Variants in TMEM74 observed in about 807,000 individuals in gnomAD.
TMEM74 encodes transmembrane protein 74.
Under a neutral mutation model 18.1 loss-of-function variants are expected in TMEM74, and 13 were observed. That is an observed-to-expected ratio of 0.72 (90% CI 0.47 to 1.14). The LOEUF (loss-of-function observed/expected upper bound fraction) is 1.14, where lower values mean the gene tolerates loss of function less well. Ranked by LOEUF, TMEM74 falls within the 50% of genes most tolerant of loss-of-function variation. TMEM74 has a pLI of 0.00. For missense variants in TMEM74, 372 were observed against 375.9 expected, an observed-to-expected ratio of 0.99 and a Z score of 0.09; for synonymous variants, 159 against 146.6, an observed-to-expected ratio of 1.08 and a Z score of -0.61.
intron 1 of TMEM74, among the ~76,000 whole-genome samples, chr8:108,697,287 C>A (rs1176988419): frequency 1.3e-5 from 2 of 152,142 alleles, no homozygotes; most frequent in Admixed American, 6.5e-5. Context: ...ACAGATGACT[C>A]CTCCATAACA....
intron 2 of TMEM74, among the ~76,000 whole-genome samples, chr8:108,647,928 C>A (rs1812736261): frequency 2.0e-5 from 3 of 151,994 alleles, no homozygotes; most frequent in Non-Finnish European, 1.5e-5. Context: ...CATATCTAAG[C>A]TATAATAAGA....
At chr8:108,654,537 C>T (rs1007886651) in intron 2 of TMEM74, among the ~76,000 whole-genome samples, 13 of 152,060 alleles carry the variant, frequency 8.5e-5, no homozygotes, top group Admixed American at 8.5e-4. Flanking sequence ...TCCACCCTGA[C>T]CCATGTCTAG....
chr8:108,648,642 A>G (rs1440435358), intron 2 of TMEM74, among the ~76,000 whole-genome samples: 3 of 152,118 alleles, frequency 2.0e-5, no homozygotes, highest in Admixed American at 1.3e-4. Context: ...GGTAGCTGTC[A>G]TAGAGAGATT....
chr8:108,712,566 G>C (rs896848857), intron 1 of TMEM74, among the ~76,000 whole-genome samples: 2 of 152,070 alleles, frequency 1.3e-5, no homozygotes, highest in Non-Finnish European at 2.9e-5. Flanking sequence ...CGCATATCAG[G>C]CTGCTCCCTG....
chr8:108,629,417 A>G (rs891025445), intron 2 of TMEM74, among the ~76,000 whole-genome samples: 1 of 152,226 alleles, frequency 6.6e-6, no homozygotes, highest in East Asian at 1.9e-4. Context: ...ACTTCAGGAT[A>G]TTATCCAGGA....
At chr8:108,718,459 T>G (rs7007267) in intron 1 of TMEM74, among the ~76,000 whole-genome samples, 52,866 of 152,044 alleles carry the variant, frequency 0.35, 9,981 homozygotes, top group East Asian at 0.5. Context: ...CCTGCAAACC[T>G]CTGTTCACAA....
downstream of TMEM74, among the ~76,000 whole-genome samples, chr8:108,777,164 AGAG>A (rs1814243330): frequency 6.6e-6 from 1 of 152,260 alleles, no homozygotes; most frequent in South Asian, 2.1e-4. Flanking sequence ...TTACAAGAGT[AGAG>A]GAGCAGGCAT....
intron 2 of TMEM74, among the ~76,000 whole-genome samples, chr8:108,623,331 C>G (rs566949069): frequency 6.6e-6 from 1 of 152,136 alleles, no homozygotes; most frequent in South Asian, 2.1e-4. Flanking sequence ...CAAACAAACC[C>G]TTTTCCAAGT....
In TMEM74 at chr8:108,784,621, C is replaced by T. The variant is rs1814353869; in HGVS notation, c.478G>A (p.Glu160Lys). The change falls in exon 2 of 2, where the codon GAG (glutamate) becomes AAG (lysine). Residue 160 changes from glutamate to lysine, a missense_variant. Physicochemically the swap from Glu to Lys is moderately conservative, Grantham distance 56. Transcript: ENST00000297459. ...GTGGCTTCTGAACTTGTATCATCCT[C>T]CTCTTCAGATATCAAAGATATGGCA... ...EAAISLISEEEDDTSSEATSS... is the reference protein window; with the variant it reads ...EAAISLISEEKDDTSSEATSS... The T allele has an allele frequency of 6.2e-7, 1 of 1,614,022 alleles. No individual in the cohort carries two copies. Among genetic ancestry groups the T allele is most frequent in the Non-Finnish European group, 8.5e-7 (1 of 1,180,030 alleles).
intron 1 of TMEM74, among the ~76,000 whole-genome samples, chr8:108,715,314 C>T (rs1813512723): frequency 6.6e-6 from 1 of 151,886 alleles, no homozygotes; most frequent in Non-Finnish European, 1.5e-5. Flanking sequence ...CTGCTAGGTA[C>T]GATGACTCAC....
At chr8:108,663,817 G>A (rs1415287239) in intron 1 of TMEM74, among the ~76,000 whole-genome samples, 1 of 152,182 alleles carries the variant, frequency 6.6e-6, no homozygotes, top group Non-Finnish European at 1.5e-5. Flanking sequence ...CAGGGAGATG[G>A]ATGCAGTTGG....
At position 108,779,371 on chromosome 8, in the gene TMEM74, T is replaced by C. The variant is rs116052743; in HGVS notation, c.*4810A>G. 0.013 allele frequency among the ~76,000 whole-genome samples: 1,915 copies of C among 152,128 alleles called. 48 individuals carry two copies. Among genetic ancestry groups the C allele is most frequent in the African/African-American group, 0.043 (1,802 of 41,508 alleles). On this transcript the variant is annotated 3_prime_UTR_variant, in exon 2 of 2. Coordinates refer to ENST00000297459, the MANE Select transcript of TMEM74 (RefSeq NM_153015.3). ...TGGCTAGGAAGCCTGAAGATGGCAG[T>C]GAAAAAATAGGGAGAGCTGTTCCTG... is the stretch of plus-strand genomic sequence containing the variant.
downstream of TMEM74, among the ~76,000 whole-genome samples, chr8:108,775,727 A>G (rs1237693327): frequency 6.6e-6 from 1 of 152,228 alleles, no homozygotes; most frequent in East Asian, 1.9e-4. Context: ...GTTTAGGGTC[A>G]GCCTCTGTCT....
intron 1 of TMEM74, among the ~76,000 whole-genome samples, chr8:108,656,040 G>T (rs1028167586): frequency 1.1e-4 from 17 of 152,108 alleles, no homozygotes; most frequent in Admixed American, 3.9e-4. Flanking sequence ...GCTGATAGGG[G>T]CCAGAAGTGC....
At chr8:108,662,554 T>C (rs1433431497) in intron 1 of TMEM74, among the ~76,000 whole-genome samples, 1 of 152,126 alleles carries the variant, frequency 6.6e-6, no homozygotes, top group Non-Finnish European at 1.5e-5. Context: ...TCAATGTTTT[T>C]TGACTTAGAG....
Position 108,780,501 on chromosome 8 carries a change from C to T in TMEM74, c.*3680G>A, listed in dbSNP as rs1563549963. On this transcript the variant is annotated 3_prime_UTR_variant, in exon 2 of 2. Transcript: ENST00000297459. ...CACTCATTTATCAAGATTAAGTCAC[C>T]CCTTATACTGGGGGGACTGAGGTAA... Among the ~76,000 whole-genome samples the T allele has an allele frequency of 6.6e-6, 1 of 152,062 alleles. No homozygotes were observed. Among genetic ancestry groups the T allele is most frequent in the Non-Finnish European group, 1.5e-5 (1 of 68,024 alleles).
At chr8:108,671,477 G>A (rs1813004506) in intron 1 of TMEM74, among the ~76,000 whole-genome samples, 2 of 152,268 alleles carry the variant, frequency 1.3e-5, no homozygotes, top group African/African-American at 4.8e-5. Context: ...AAGAAAAGCA[G>A]GTGACATTAA....
chr8:108,621,474 G>T (rs1192267644), intron 2 of TMEM74, among the ~76,000 whole-genome samples: 1 of 152,178 alleles, frequency 6.6e-6, no homozygotes, highest in Non-Finnish European at 1.5e-5. Flanking sequence ...AGGCCCAGGT[G>T]GGAAGTTGCC....
chr8:108,635,743 A>G (rs896062912), intron 2 of TMEM74, among the ~76,000 whole-genome samples: 1 of 152,022 alleles, frequency 6.6e-6, no homozygotes, highest in Non-Finnish European at 1.5e-5. Context: ...TCCAGCCTGC[A>G]ACCTTGACTA....
Sources: gnomAD v4.1 joint callset for allele counts (sites outside exome capture counted in the v4.1 genomes callset) on GRCh38, gnomAD v4.1.1 for gene constraint, MANE v1.5 for transcripts, NCBI Gene and HGNC (gene_info 2026-07-23, HGNC 2026-07-21) for gene names.